JPH3: variants seen among roughly 807,000 people sequenced by gnomAD.
JPH3 encodes the protein junctophilin 3, also known as junctophilin-3.
A neutral mutation model predicts 59.6 loss-of-function variants in JPH3; 11 were observed. The observed-to-expected ratio is 0.18, with a 90% CI of 0.12 to 0.31. The LOEUF (loss-of-function observed/expected upper bound fraction) is 0.31. Ranked by LOEUF, JPH3 falls within the 10% of genes least tolerant of loss-of-function variation. The pLI is 1.00. For synonymous variants in JPH3, 673 were observed against 483.6 expected, an observed-to-expected ratio of 1.39 and a Z score of -5.14; for missense variants, 1,202 against 1,105.7, an observed-to-expected ratio of 1.09 and a Z score of -1.24.
At chr16:87,694,517 G>A (rs962550580) in intron 4 of JPH3, 1 of 152,254 alleles carries the variant, frequency 6.6e-6, no homozygotes, top group African/African-American at 2.4e-5. Flanking sequence ...CTCCGGGCAA[G>A]GCCGTGACCC....
chr16:87,645,106 CCTG>C (rs2032101570), intron 2 of JPH3, 71 bp downstream of exon 2: 7 of 1,465,506 alleles, frequency 4.8e-6, no homozygotes. Flanking sequence ...TCTGTTCAGT[CCTG>C]CTGTCGCTCA....
intron 2 of JPH3, among the ~76,000 whole-genome samples, chr16:87,679,433 G>T (rs2033231252): frequency 6.6e-6 from 1 of 152,172 alleles, no homozygotes; most frequent in Admixed American, 6.5e-5. Flanking sequence ...GAATGGGGCT[G>T]GTTTGGGCTC....
At chr16:87,660,019 C>G (rs1347404071) in intron 2 of JPH3, among the ~76,000 whole-genome samples, 1 of 152,114 alleles carries the variant, frequency 6.6e-6, no homozygotes, top group Non-Finnish European at 1.5e-5. Flanking sequence ...CCCTGTCACT[C>G]CTAGTGTGGA....
chr16:87,675,349 C>T (rs2033117996), intron 2 of JPH3, among the ~76,000 whole-genome samples: 1 of 152,164 alleles, frequency 6.6e-6, no homozygotes, highest in Admixed American at 6.5e-5. Context: ...GTCGGTGCTG[C>T]TCATTGCTCC....
At chr16:87,619,208 A>T (rs1469506776) in intron 1 of JPH3, among the ~76,000 whole-genome samples, 3 of 151,868 alleles carry the variant, frequency 2.0e-5, no homozygotes, top group Non-Finnish European at 4.4e-5. Flanking sequence ...AGCTATGAGG[A>T]AGGCTGAAGC....
chr16:87,667,253 G>A (rs1378498314), intron 2 of JPH3, among the ~76,000 whole-genome samples: 1 of 152,236 alleles, frequency 6.6e-6, no homozygotes, highest in East Asian at 1.9e-4. Flanking sequence ...AACCGAGGAT[G>A]CCCTCTTCTC....
rs573667327 is a variant in JPH3, at chr16:87,611,876, A to G, written c.382+8348A>G. On this transcript the variant is annotated intron_variant, in intron 1 of 4. Coordinates refer to ENST00000284262, the MANE Select transcript of JPH3 (RefSeq NM_020655.4). The surrounding 1 kb of genome is among the most constrained non-coding windows in gnomAD (Gnocchi z 4.5). Reference sequence around the variant, plus strand: ...CTAAGCCTGGCTACACATTCGAGTCACTAAGAATGTCCCTGGGAGACGGTT... The same window carrying G: ...CTAAGCCTGGCTACACATTCGAGTCGCTAAGAATGTCCCTGGGAGACGGTT... Among the ~76,000 whole-genome samples the G allele has an allele frequency of 6.6e-6, 1 of 152,348 alleles. No individual in the cohort carries two copies. Among genetic ancestry groups the G allele is most frequent in the Admixed American group, 6.5e-5 (1 of 15,308 alleles).
At chr16:87,648,370 C>T (rs1376805308) in intron 2 of JPH3, among the ~76,000 whole-genome samples, 3 of 152,202 alleles carry the variant, frequency 2.0e-5, no homozygotes, top group Non-Finnish European at 2.9e-5. Context: ...GGCCGCACCA[C>T]GTGGGCTGAG....
Position 87,603,495 on chromosome 16 carries a change from G to A in JPH3, c.349G>A (p.Asp117Asn). Reference sequence around the variant, plus strand: ...AGGGACCTGGAGCAACGGGCTGCAGGACGGCTACGGGACCGAGACCTACTC... The same window carrying A: ...AGGGACCTGGAGCAACGGGCTGCAGAACGGCTACGGGACCGAGACCTACTC... ...YEGTWSNGLQ[D>N]GYGTETYSDG... The change falls in exon 1 of 5, where the codon GAC becomes AAC. Residue 117 changes from aspartate (D) to asparagine (N), a missense_variant. By Grantham distance (23) the Asp-to-Asn change is conservative (BLOSUM62 1). Transcript: ENST00000284262. 6.4e-7 allele frequency: 1 copy of A among 1,552,328 alleles called. No individual in the cohort carries two copies.
At chr16:87,676,314 C>G (rs2033140574) in intron 2 of JPH3, among the ~76,000 whole-genome samples, 1 of 152,192 alleles carries the variant, frequency 6.6e-6, no homozygotes, top group South Asian at 2.1e-4. Context: ...AGCAGACACT[C>G]AATTTAACAA....
At chr16:87,608,491 G>T (rs981474180) in intron 1 of JPH3, among the ~76,000 whole-genome samples, 3 of 152,194 alleles carry the variant, frequency 2.0e-5, no homozygotes, top group Non-Finnish European at 4.4e-5. Flanking sequence ...CCATGCGGTG[G>T]ATGGAGCCAC....
chr16:87,686,927 C>T (rs2033433355), intron 3 of JPH3, among the ~76,000 whole-genome samples: 1 of 152,242 alleles, frequency 6.6e-6, no homozygotes, highest in Non-Finnish European at 1.5e-5. Flanking sequence ...GCCTCACCTC[C>T]TGCTGCTGCA....
intron 1 of JPH3, among the ~76,000 whole-genome samples, chr16:87,629,256 C>G (rs1379195832): frequency 6.6e-6 from 1 of 152,198 alleles, no homozygotes. Flanking sequence ...GACTGCTGGG[C>G]TACTGCTGCG....
intron 1 of JPH3, among the ~76,000 whole-genome samples, chr16:87,642,248 G>A (rs183863446): frequency 6.6e-6 from 1 of 151,294 alleles, no homozygotes; most frequent in Non-Finnish European, 1.5e-5. Flanking sequence ...CTAGGGAAAG[G>A]GGGGGGGCAG....
chr16:87,666,386 G>A (rs2032861194), intron 2 of JPH3, among the ~76,000 whole-genome samples: 2 of 137,182 alleles, frequency 1.5e-5, no homozygotes, highest in Admixed American at 1.6e-4. Flanking sequence ...ACCGCGCCTG[G>A]CCTATTTTTT....
chr16:87,673,130 A>G (rs2033059524), intron 2 of JPH3, among the ~76,000 whole-genome samples: 1 of 152,060 alleles, frequency 6.6e-6, no homozygotes, highest in Non-Finnish European at 1.5e-5. Context: ...TGGGCGACAC[A>G]GTGCGACTCT....
chr16:87,656,428 C>A (rs1305195302), intron 2 of JPH3, among the ~76,000 whole-genome samples: 1 of 152,186 alleles, frequency 6.6e-6, no homozygotes, highest in Admixed American at 6.5e-5. Context: ...GCTTCAGCTT[C>A]CTGTGGGAAT....
intron 1 of JPH3, chr16:87,604,377 G>C: frequency 7.0e-7 from 1 of 1,435,392 alleles, no homozygotes; most frequent in Non-Finnish European, 9.2e-7. Context: ...GCAGCTGCCC[G>C]CCTGCCTGGA....
At chr16:87,603,602 G>C in intron 1 of JPH3, 74 bp downstream of exon 1, 1 of 1,486,034 alleles carries the variant, frequency 6.7e-7, no homozygotes, top group Non-Finnish European at 9.0e-7. Flanking sequence ...GTGGATCTCT[G>C]GGGAAGTTGA....
Sources: gnomAD v4.1 joint callset for allele counts (sites outside exome capture counted in the v4.1 genomes callset) on GRCh38, gnomAD v4.1.1 for gene constraint, Gnocchi (gnomAD v3.1) non-coding constraint, MANE v1.5 for transcripts, NCBI Gene and HGNC (gene_info 2026-07-23, HGNC 2026-07-21) for gene names.